PDK4: variants seen among roughly 807,000 people sequenced by gnomAD.
PDK4 encodes the protein pyruvate dehydrogenase kinase 4, also known as pyruvate dehydrogenase kinase, isozyme 4.
A neutral mutation model predicts 51.7 loss-of-function variants in PDK4; 43 were observed. That is an observed-to-expected ratio of 0.83 (90% CI 0.65 to 1.07). The LOEUF (loss-of-function observed/expected upper bound fraction) is 1.07, where lower values mean the gene tolerates loss of function less well. PDK4 is among the 50% of genes least tolerant of loss of function. PDK4 has a pLI of 0.00. For missense variants in PDK4, 498 were observed against 503.5 expected, an observed-to-expected ratio of 0.99 and a Z score of 0.10; for synonymous variants, 170 against 176.6, an observed-to-expected ratio of 0.96 and a Z score of 0.30.
chr7:95,591,918 A>G, intron 6 of PDK4, 70 bp downstream of exon 6: 1 of 820,958 alleles, frequency 1.2e-6, no homozygotes, highest in Non-Finnish European at 2.0e-6. Context: ...CTTTATATTT[A>G]CAAAAAGCAA....
chr7:95,587,909 G>A (rs1791507470), intron 7 of PDK4, 84 bp from the exon 8 acceptor site: 2 of 852,158 alleles, frequency 2.3e-6, no homozygotes, highest in East Asian at 5.2e-5. Flanking sequence ...TAAAATAAAA[G>A]TAGCACAGAG....
At chr7:95,588,702 T>A (rs1278975513) in intron 7 of PDK4, among the ~76,000 whole-genome samples, 1 of 152,232 alleles carries the variant, frequency 6.6e-6, no homozygotes, top group East Asian at 1.9e-4. Context: ...TTGTCTTTTT[T>A]AGGCTTCCTT....
rs2116707527 is a variant in PDK4, at chr7:95,584,146, G to C, written c.*1495C>G. 3.3e-5 allele frequency: 5 copies of C among 152,224 alleles called. No homozygotes were observed. The East Asian group carries it at 9.6e-4, about 29-fold the overall frequency. The allele number at this position is 152,224 out of a possible 1,614,324, so 9.4% of individuals were successfully genotyped here. A position where few individuals can be genotyped will look rare whatever the true frequency, so the allele number is the denominator to read the frequency against. On this transcript the variant is annotated 3_prime_UTR_variant, in exon 11 of 11. Coordinates refer to ENST00000005178, the MANE Select transcript of PDK4 (RefSeq NM_002612.4). Reference sequence around the variant, plus strand: ...TTTAAATGTTAATTGACACGGGTAAGTTTATTATCTCAAAGCCTACTATCT... The same window carrying C: ...TTTAAATGTTAATTGACACGGGTAACTTTATTATCTCAAAGCCTACTATCT...
rs895156016 is a variant in PDK4, at chr7:95,583,931, T to C, written c.*1710A>G. 1 of 152,274 alleles carries C rather than the reference T, an allele frequency of 6.6e-6. No individual in the cohort carries two copies. The allele number at this position is 152,274 out of a possible 1,614,324, so 9.4% of individuals were successfully genotyped here. ...GAGCTGGACTCCCACCATTAAGAAA[T>C]GTCACTGTCTAGGACTTCTGATGAT... is the stretch of plus-strand genomic sequence containing the variant. On this transcript the variant is annotated 3_prime_UTR_variant, in exon 11 of 11. Coordinates refer to ENST00000005178, the MANE Select transcript of PDK4 (RefSeq NM_002612.4).
rs373793979 is a variant in PDK4, at chr7:95,596,370, G to T, written c.-77C>A. On this transcript the variant is annotated 5_prime_UTR_variant, in exon 1 of 11. Transcript: ENST00000005178. ...GCTGCTCGGAGCAGAGCCTGGTTCC[G>T]AGGGGGCGCGGCGCGTCCGGGCGAG... The T allele has an allele frequency of 1.4e-6, 2 of 1,440,622 alleles. No homozygotes were observed. The highest frequency in any genetic ancestry group is 1.5e-5 in the African/African-American group (1 of 66,232). The allele number at this position is 1,440,622 out of a possible 1,614,324, so 89.2% of individuals were successfully genotyped here. A position where few individuals can be genotyped will look rare whatever the true frequency, so the allele number is the denominator to read the frequency against.
In PDK4 at chr7:95,591,296, A is replaced by AT. The variant is rs995895913; in HGVS notation, c.694+691dup. Among the ~76,000 whole-genome samples the AT allele has an allele frequency of 8.5e-5, 13 of 152,096 alleles. No homozygotes were observed. In the East Asian group the frequency reaches 1.7e-3, roughly 20 times the overall value. Reference sequence around the variant, plus strand: ...AACAGTAGTATAAAACAATAGTGCAATTTTTTTTGTATTGGGGTGGAGACA... The same window carrying AT: ...AACAGTAGTATAAAACAATAGTGCAATTTTTTTTTGTATTGGGGTGGAGACA... On this transcript the variant is annotated intron_variant, in intron 6 of 10. Transcript: ENST00000005178.
In PDK4 at chr7:95,594,976, G is replaced by A. The variant is rs375855736; in HGVS notation, c.272+47C>T. On this transcript the variant is annotated intron_variant, in intron 2 of 10. Coordinates refer to ENST00000005178, the MANE Select transcript of PDK4 (RefSeq NM_002612.4). The stretch of plus-strand genomic sequence containing the variant: ...TAACATAGTATAAGAATTCATACCC[G>A]GGTAACTGTTTCAAAACTAGAGACT... The A allele has an allele frequency of 3.1e-5, 44 of 1,413,944 alleles. No homozygotes were observed. The African/African-American group carries it at 4.4e-4, about 14-fold the overall frequency. The allele number at this position is 1,413,944 out of a possible 1,614,324, so 87.6% of individuals were successfully genotyped here. A position where few individuals can be genotyped will look rare whatever the true frequency, so the allele number is the denominator to read the frequency against.
chr7:95,592,826 G>A lies in PDK4; in HGVS notation c.463C>T (p.Leu155Phe), dbSNP rs572718482. ...TAAAATCGATCCAAGAAATATTGAAGATTTTGATTGGTGACTGGGTCAACT... is the reference window on the plus strand; with the variant it reads ...TAAAATCGATCCAAGAAATATTGAAAATTTTGATTGGTGACTGGGTCAACT... ...CTVDPVTNQN[L>F]QYFLDRFYMN... Residue 155 changes from leucine to phenylalanine, a missense_variant, in exon 4 of 11, where the codon CTT becomes TTT. Transcript: ENST00000005178. The A allele has an allele frequency of 6.2e-7, 1 of 1,613,176 alleles. No individual in the cohort carries two copies. The highest frequency in any genetic ancestry group is 1.7e-5 in the Admixed American group (1 of 59,986).
rs1791446368 is a variant in PDK4, at chr7:95,583,934, C to T, written c.*1707G>A. On this transcript the variant is annotated 3_prime_UTR_variant, in exon 11 of 11. Transcript: ENST00000005178. ...CTGGACTCCCACCATTAAGAAATGT[C>T]ACTGTCTAGGACTTCTGATGATAAA... The T allele has an allele frequency of 6.6e-6, 1 of 152,288 alleles. No homozygotes were observed. Among genetic ancestry groups the T allele is most frequent in the East Asian group, 1.9e-4 (1 of 5,200 alleles). The allele number at this position is 152,288 out of a possible 1,614,324, so 9.4% of individuals were successfully genotyped here.
chr7:95,587,919 G>A (rs1791507590), intron 7 of PDK4, 94 bp from the exon 8 acceptor site: 2 of 795,636 alleles, frequency 2.5e-6, no homozygotes, highest in Non-Finnish European at 4.1e-6. Context: ...GTAGCACAGA[G>A]GGTAATTCAA....
rs2116714277 is a variant in PDK4, at chr7:95,589,620, A to G, written c.771+20T>C. On this transcript the variant is annotated intron_variant, in intron 7 of 10. Coordinates refer to ENST00000005178, the MANE Select transcript of PDK4 (RefSeq NM_002612.4). ...AACCTTTTTAAAAGGTAAAATTTCA[A>G]TTATTGTGAAGTATCATACCTTAAA... 8.1e-7 allele frequency: 1 copy of G among 1,238,510 alleles called. No homozygotes were observed. Among genetic ancestry groups the G allele is most frequent in the Non-Finnish European group, 1.2e-6 (1 of 861,962 alleles). The allele number at this position is 1,238,510 out of a possible 1,614,324, so 76.7% of individuals were successfully genotyped here.
intron 10 of PDK4, chr7:95,586,706 CA>C (rs576891848): frequency 4.2e-4 from 99 of 233,796 alleles, no homozygotes; most frequent in African/African-American, 2.1e-3. Flanking sequence ...TCATAGATGC[CA>C]AAAGGAGTTG....
Position 95,585,460 on chromosome 7 carries a change from G to C in PDK4, c.*181C>G. 2.2e-6 allele frequency: 1 copy of C among 462,760 alleles called. No individual in the cohort carries two copies. The highest frequency in any genetic ancestry group is 3.8e-6 in the Non-Finnish European group (1 of 260,484). 28.7% of individuals were successfully genotyped at this position (462,760 alleles called of 1,614,324 possible). A position where few individuals can be genotyped will look rare whatever the true frequency, so the allele number is the denominator to read the frequency against. ...GCCATCTGTTAACTCCTGTAGTCTT[G>C]CACTAAGTTCTCCTGGGTCACAGAA... On this transcript the variant is annotated 3_prime_UTR_variant, in exon 11 of 11. Transcript: ENST00000005178.
At position 95,592,009 on chromosome 7, in the gene PDK4, A is replaced by G. The variant is rs1362390161; in HGVS notation, c.673T>C (p.Leu225=). Residue 225 remains leucine (L), a synonymous_variant, in exon 6 of 11, where the codon TTA becomes CTA. Transcript: ENST00000005178. ...CDQYYLSSPE[L]KLTQVNGKFP... ...TTACCATTCACTTGTGTAAGCTTTA[A>G]TTCTGGAGATGATAAATAATACTGA... 3 of 1,554,002 alleles carry G rather than the reference A, an allele frequency of 1.9e-6. No individual in the cohort carries two copies. The highest frequency in any genetic ancestry group is 1.8e-6 in the Non-Finnish European group (2 of 1,137,638).
chr7:95,587,699 A>C, intron 8 of PDK4, 28 bp downstream of exon 8: 1 of 1,470,306 alleles, frequency 6.8e-7, no homozygotes, highest in Non-Finnish European at 9.5e-7. Context: ...CTCAAGAGAC[A>C]CCCAAAAGGA....
intron 7 of PDK4, among the ~76,000 whole-genome samples, chr7:95,588,078 GTCAAGTTC>G (rs1354176050): frequency 1.3e-5 from 2 of 152,142 alleles, no homozygotes; most frequent in East Asian, 3.9e-4. Context: ...TCTGCTAGCT[GTCAAGTTC>G]TTATTTGTAA....
rs770226873 is a variant in PDK4, at chr7:95,587,786, G to A, written c.811C>T (p.Pro271Ser). 4.3e-6 allele frequency: 7 copies of A among 1,613,446 alleles called. No homozygotes were observed. In the African/African-American group the frequency reaches 8.0e-5, roughly 18 times the overall value. The change falls in exon 8 of 11, where the codon CCT (proline) becomes TCT (serine). Residue 271 changes from proline to serine, a missense_variant. Coordinates refer to ENST00000005178, the MANE Select transcript of PDK4 (RefSeq NM_002612.4). The stretch of plus-strand genomic sequence containing the variant: ...ATAACCTCTATTGGTGTAAGGGAAG[G>A]CTGATTTTCCTGGTGTTCAACTGTT... ...RATVEHQENQPSLTPIEVIVV... is the reference protein window; with the variant it reads ...RATVEHQENQSSLTPIEVIVV...
chr7:95,590,781 G>A (rs1428955163), intron 6 of PDK4, among the ~76,000 whole-genome samples: 2 of 152,216 alleles, frequency 1.3e-5, no homozygotes, highest in African/African-American at 4.8e-5. Flanking sequence ...ATAGAAAAGA[G>A]AAGGTAATTC....
In PDK4 at chr7:95,596,486, T is replaced by C; in HGVS notation, c.-193A>G. On this transcript the variant is annotated 5_prime_UTR_variant, in exon 1 of 11. Transcript: ENST00000005178. ...TGAAGAGTCTGGGCAGAGTCGGAGATGCAGTGGTTCGAGATTCAAGTTCAA... is the reference window on the plus strand; with the variant it reads ...TGAAGAGTCTGGGCAGAGTCGGAGACGCAGTGGTTCGAGATTCAAGTTCAA... 3.7e-6 allele frequency: 2 copies of C among 534,508 alleles called. No individual in the cohort carries two copies. The highest frequency in any genetic ancestry group is 6.3e-6 in the Non-Finnish European group (2 of 319,662). 33.1% of individuals were successfully genotyped at this position (534,508 alleles called of 1,614,324 possible). A position where few individuals can be genotyped will look rare whatever the true frequency, so the allele number is the denominator to read the frequency against.
Sources: gnomAD v4.1 joint callset for allele counts (sites outside exome capture counted in the v4.1 genomes callset) on GRCh38, gnomAD v4.1.1 for gene constraint, MANE v1.5 for transcripts, NCBI Gene and HGNC (gene_info 2026-07-23, HGNC 2026-07-21) for gene names.